The following DOK6 variants were observed in gnomAD, a reference collection of about 807,000 sequenced individuals.
DOK6 encodes the protein downstream of tyrosine kinase 6.
DOK6 carries 22 observed loss-of-function variants against 44.0 expected under a neutral mutation model. The observed-to-expected ratio is 0.50, with a 90% CI of 0.36 to 0.71. DOK6 has a LOEUF of 0.71. Ranked by LOEUF, DOK6 falls within the 30% of genes least tolerant of loss-of-function variation. The pLI, the probability that DOK6 is intolerant of heterozygous loss-of-function variation, is 0.00. For missense variants in DOK6, 340 were observed against 416.4 expected, an observed-to-expected ratio of 0.82 and a Z score of 1.60; for synonymous variants, 166 against 145.5, an observed-to-expected ratio of 1.14 and a Z score of -1.01.
chr18:69,768,858 G>A (rs1357488550), intron 7 of DOK6, among the ~76,000 whole-genome samples: 1 of 151,406 alleles, frequency 6.6e-6, no homozygotes, highest in Non-Finnish European at 1.5e-5. Flanking sequence ...CTGGAAATTT[G>A]TTGCTTCGAA....
At chr18:69,633,731 G>A (rs1234102496) in intron 3 of DOK6, among the ~76,000 whole-genome samples, 1 of 152,062 alleles carries the variant, frequency 6.6e-6, no homozygotes, top group Admixed American at 6.6e-5. Flanking sequence ...TGATGGTCAG[G>A]GTGCCCTTTT....
chr18:69,518,108 A>G (rs1016355635), intron 1 of DOK6, among the ~76,000 whole-genome samples: 2 of 152,176 alleles, frequency 1.3e-5, no homozygotes, highest in African/African-American at 2.4e-5. Flanking sequence ...CATAAATACT[A>G]CAAGATTTAC....
At chr18:69,679,358 GA>G (rs997099275) in intron 4 of DOK6, among the ~76,000 whole-genome samples, 8 of 152,022 alleles carry the variant, frequency 5.3e-5, no homozygotes, top group African/African-American at 1.9e-4. Context: ...TTGCTAAAAT[GA>G]AAAAAGTTTT....
chr18:69,446,416 A>G (rs1599134909), intron 1 of DOK6, among the ~76,000 whole-genome samples: 1 of 151,902 alleles, frequency 6.6e-6, no homozygotes, highest in Non-Finnish European at 1.5e-5. Context: ...ATAGTATTCC[A>G]TGGTGTATAT....
At chr18:69,625,447 T>G (rs2144641482) in intron 3 of DOK6, among the ~76,000 whole-genome samples, 1 of 152,262 alleles carries the variant, frequency 6.6e-6, no homozygotes, top group Admixed American at 6.5e-5. Flanking sequence ...CTGTAGCCCA[T>G]ACACATAATA....
Position 69,409,428 on chromosome 18 carries a change from T to C in DOK6, c.66+8118T>C, listed in dbSNP as rs1361898806. Reference sequence around the variant, plus strand: ...ACCCTTTGGCATGTTTATGTGTGTATGTATATGTGTGTACACACATATATA... The same window carrying C: ...ACCCTTTGGCATGTTTATGTGTGTACGTATATGTGTGTACACACATATATA... On this transcript the variant is annotated intron_variant, in intron 1 of 7. Coordinates refer to ENST00000382713, the MANE Select transcript of DOK6 (RefSeq NM_152721.6). Among the ~76,000 whole-genome samples the C allele has an allele frequency of 2.6e-5, 4 of 152,240 alleles. No individual in the cohort carries two copies. The East Asian group carries it at 5.8e-4, about 22-fold the overall frequency.
chr18:69,691,223 AT>A (rs1396602154), intron 4 of DOK6, among the ~76,000 whole-genome samples: 15 of 151,448 alleles, frequency 9.9e-5, no homozygotes, highest in Non-Finnish European at 1.6e-4. Flanking sequence ...AAATAAATAA[AT>A]AAATAAAAAT....
intron 5 of DOK6, among the ~76,000 whole-genome samples, chr18:69,723,328 T>C (rs1280605956): frequency 6.6e-6 from 1 of 152,200 alleles, no homozygotes; most frequent in Non-Finnish European, 1.5e-5. Context: ...GCTAGTGAAA[T>C]AGCAAAGTGT....
chr18:69,643,006 A>G (rs755464741), intron 3 of DOK6, among the ~76,000 whole-genome samples: 105 of 152,248 alleles, frequency 6.9e-4, no homozygotes, highest in Non-Finnish European at 9.6e-4. Context: ...AGAAAAAAGT[A>G]CATACATGTT....
At chr18:69,787,810 G>A (rs966674556) in intron 7 of DOK6, among the ~76,000 whole-genome samples, 2 of 152,100 alleles carry the variant, frequency 1.3e-5, no homozygotes, top group South Asian at 2.1e-4. Context: ...AATGAGTTCC[G>A]AAAAAGACAA....
chr18:69,636,777 A>G (rs899029012), intron 3 of DOK6, among the ~76,000 whole-genome samples: 17 of 152,212 alleles, frequency 1.1e-4, no homozygotes, highest in African/African-American at 4.1e-4. Flanking sequence ...AAATACAATG[A>G]TTATAAGCCA....
intron 1 of DOK6, among the ~76,000 whole-genome samples, chr18:69,435,344 T>C (rs1208428003): frequency 6.6e-6 from 1 of 152,240 alleles, no homozygotes; most frequent in Non-Finnish European, 1.5e-5. Context: ...TTATTTAAGC[T>C]GTGCGCTCTA....
chr18:69,664,501 C>T (rs544168273), intron 3 of DOK6, among the ~76,000 whole-genome samples: 4 of 152,184 alleles, frequency 2.6e-5, no homozygotes, highest in Non-Finnish European at 5.9e-5. Flanking sequence ...CTTGTGCTTT[C>T]TTCTTTTATG....
intron 6 of DOK6, among the ~76,000 whole-genome samples, chr18:69,740,344 C>A (rs1448550447): frequency 6.6e-6 from 1 of 152,170 alleles, no homozygotes; most frequent in East Asian, 1.9e-4. Context: ...ATATAACTAT[C>A]AAATTTCAAA....
At chr18:69,655,773 AAAAAAAAAAAC>A (rs1429061212) in intron 3 of DOK6, among the ~76,000 whole-genome samples, 2 of 147,626 alleles carry the variant, frequency 1.4e-5, no homozygotes, top group Non-Finnish European at 3.0e-5. Context: ...AAAAAAAAAA[AAAAAAAAAAAC>A]AAAAGAACAA....
chr18:69,702,264 C>A (rs4525592), intron 5 of DOK6, among the ~76,000 whole-genome samples: 100,569 of 150,996 alleles, frequency 0.67, 33,862 homozygotes, highest in East Asian at 0.89. Context: ...ATCTGTCCTG[C>A]AAGTTTTTTA....
At chr18:69,771,486 TATAA>T (rs1468484351) in intron 7 of DOK6, among the ~76,000 whole-genome samples, 1 of 152,082 alleles carries the variant, frequency 6.6e-6, no homozygotes, top group African/African-American at 2.4e-5. Flanking sequence ...CACATGTGTA[TATAA>T]TACTTTATAC....
intron 7 of DOK6, among the ~76,000 whole-genome samples, chr18:69,812,434 G>A (rs1981269587): frequency 6.6e-6 from 1 of 152,076 alleles, no homozygotes; most frequent in African/African-American, 2.4e-5. Context: ...GCAAAACTGA[G>A]GAATGGTACA....
intron 6 of DOK6, among the ~76,000 whole-genome samples, chr18:69,740,861 T>C (rs78818635): frequency 0.05 from 7,683 of 152,344 alleles, 235 homozygotes; most frequent in Non-Finnish European, 0.072. Context: ...GTTGCTATTA[T>C]GGCTACATAA....
Sources: gnomAD v4.1 joint callset for allele counts (sites outside exome capture counted in the v4.1 genomes callset) on GRCh38, gnomAD v4.1.1 for gene constraint, MANE v1.5 for transcripts, NCBI Gene and HGNC (gene_info 2026-07-23, HGNC 2026-07-21) for gene names.